DPP6: variants seen among roughly 807,000 people sequenced by gnomAD.
DPP6 encodes A-type potassium channel modulatory protein DPP6.
Under a neutral mutation model 122.6 loss-of-function variants are expected in DPP6, and 69 were observed. The ratio of observed to expected loss-of-function variants is 0.56; its 90% CI spans 0.46 to 0.69. The LOEUF (loss-of-function observed/expected upper bound fraction) is 0.69. DPP6 is among the 30% of genes least tolerant of loss of function. The pLI is 0.00. For synonymous variants in DPP6, 418 were observed against 433.1 expected (o/e 0.97, Z 0.43); for missense variants, 928 against 1,116.9 (o/e 0.83, Z 2.41).
At chr7:154,120,243 T>G (rs763192274) in intron 1 of DPP6, among the ~76,000 whole-genome samples, 7 of 151,628 alleles carry the variant, frequency 4.6e-5, no homozygotes, top group Non-Finnish European at 1.0e-4. Context: ...TCATTTTCTC[T>G]CTTCTTTTTT....
chr7:153,967,776 GT>G (rs1331500568), intron 1 of DPP6, among the ~76,000 whole-genome samples: 1 of 151,948 alleles, frequency 6.6e-6, no homozygotes, highest in African/African-American at 2.4e-5. Context: ...CACGTCTAGG[GT>G]TGCTAGAGTT....
intron 1 of DPP6, among the ~76,000 whole-genome samples, chr7:154,193,125 G>C (rs1798694495): frequency 6.6e-6 from 1 of 152,134 alleles, no homozygotes; most frequent in South Asian, 2.1e-4. Context: ...CAGCAGTCCT[G>C]GTTCATGGCT....
intron 1 of DPP6, among the ~76,000 whole-genome samples, chr7:154,376,816 G>T (rs1329054661): frequency 6.6e-6 from 1 of 152,170 alleles, no homozygotes; most frequent in African/African-American, 2.4e-5. Flanking sequence ...CTCTGTATTA[G>T]TATGAGGTAA....
intron 8 of DPP6, among the ~76,000 whole-genome samples, chr7:154,748,659 C>T (rs369454408): frequency 6.6e-5 from 10 of 152,206 alleles, no homozygotes; most frequent in Admixed American, 3.9e-4. Context: ...TGGAGTTTCT[C>T]GCGCATGGCG....
chr7:154,209,796 G>C (rs889095935), intron 1 of DPP6, among the ~76,000 whole-genome samples: 2 of 152,134 alleles, frequency 1.3e-5, no homozygotes, highest in Non-Finnish European at 1.5e-5. Flanking sequence ...ACTTGCCATC[G>C]GTTCAAGAAT....
chr7:153,859,207 C>T, the DPP6 span, among the ~76,000 whole-genome samples: 4 of 152,122 alleles, frequency 2.6e-5, no homozygotes, highest in Non-Finnish European at 4.4e-5. Context: ...GACCCTGAGG[C>T]AGGGCTGGAT....
At chr7:154,061,041 A>T (rs76300994) in intron 1 of DPP6, among the ~76,000 whole-genome samples, 14,642 of 130,548 alleles carry the variant, frequency 0.11, 14 homozygotes, top group East Asian at 0.17. Flanking sequence ...CAGGTACCTT[A>T]TGTGGGATTT....
chr7:154,696,822 A>T lies in DPP6; in HGVS notation c.762+27381A>T, dbSNP rs536131685. On this transcript the variant is annotated intron_variant, in intron 7 of 25. Coordinates refer to ENST00000377770, the MANE Select transcript of DPP6 (RefSeq NM_130797.4). ...CTGTGCTGTGGGCAGCCAAAGGCCG[A>T]TTATGGAGAACCACCCAGAGTGGAG... Among the ~76,000 whole-genome samples the T allele has an allele frequency of 2.0e-5, 3 of 152,336 alleles. No individual in the cohort carries two copies. In the East Asian group the frequency reaches 5.8e-4, roughly 29 times the overall value.
chr7:154,776,562 T>C (rs572034006), intron 10 of DPP6, among the ~76,000 whole-genome samples: 1 of 152,294 alleles, frequency 6.6e-6, no homozygotes, highest in East Asian at 1.9e-4. Flanking sequence ...AGGAAGTTGT[T>C]GAGGCAGGGA....
chr7:154,371,628 G>A (rs1385717617), intron 1 of DPP6, among the ~76,000 whole-genome samples: 1 of 152,004 alleles, frequency 6.6e-6, no homozygotes, highest in African/African-American at 2.4e-5. Context: ...ACACGTCTGT[G>A]TGCCGTGGGA....
At chr7:154,623,577 G>C (rs944252386) in intron 5 of DPP6, among the ~76,000 whole-genome samples, 2 of 149,258 alleles carry the variant, frequency 1.3e-5, no homozygotes, top group Non-Finnish European at 3.0e-5. Flanking sequence ...ACACACACAC[G>C]CACGCACACG....
At chr7:154,816,751 A>T (rs1432473770) in intron 16 of DPP6, among the ~76,000 whole-genome samples, 1 of 152,222 alleles carries the variant, frequency 6.6e-6, no homozygotes, top group Non-Finnish European at 1.5e-5. Flanking sequence ...ATGAAGCAGC[A>T]TCCCTTCCCA....
rs1801582139 is a variant in DPP6 at position 154,241,208 on chromosome 7, T to TGTGTGC, written c.243+188150_243+188151insCGTGTG. Among the ~76,000 whole-genome samples the TGTGTGC allele has an allele frequency of 6.7e-6, 1 of 149,720 alleles. No homozygotes were observed. ...ATATGTGTGTGTGTGTGTGTGTGTG[T>TGTGTGC]GTGTGTGTGTGTATATATATATAGA... On this transcript the variant is annotated intron_variant, in intron 1 of 25. Transcript: ENST00000377770. The surrounding 1 kb of genome is among the most constrained non-coding windows in gnomAD (Gnocchi z 9.0).
In DPP6 at chr7:154,609,660, C is replaced by T. The variant is rs759212797; in HGVS notation, c.628-28161C>T. Among the ~76,000 whole-genome samples the T allele has an allele frequency of 2.6e-5, 4 of 152,298 alleles. No homozygotes were observed. The South Asian group carries it at 8.3e-4, about 32-fold the overall frequency. ...GCACACACACATTTACATACATGCT[C>T]ACACACAGCACACAGTGGGACAGTC... On this transcript the variant is annotated intron_variant, in intron 5 of 25. Coordinates refer to ENST00000377770, the MANE Select transcript of DPP6 (RefSeq NM_130797.4).
chr7:154,485,645 G>A (rs1563745475), intron 3 of DPP6, among the ~76,000 whole-genome samples: 1 of 152,160 alleles, frequency 6.6e-6, no homozygotes, highest in Non-Finnish European at 1.5e-5. Flanking sequence ...TTTTCTATAG[G>A]ACCTACGGGA....
intron 1 of DPP6, among the ~76,000 whole-genome samples, chr7:154,345,823 G>A (rs1001930048): frequency 3.9e-5 from 6 of 152,306 alleles, no homozygotes; most frequent in Admixed American, 6.5e-5. Flanking sequence ...TTCTCCTGAT[G>A]TTTCCAACTG....
chr7:154,769,411 C>T lies in DPP6; in HGVS notation c.884-6C>T, dbSNP rs759201043. 4 of 1,613,510 alleles carry T rather than the reference C, an allele frequency of 2.5e-6. No homozygotes were observed. In the South Asian group the frequency reaches 3.3e-5, roughly 13 times the overall value. ...ATTCACATTTCTCTACTCTGTTTTCCCTTAGAGGAGATTTTGAAGACACAC... is the reference window on the plus strand; with the variant it reads ...ATTCACATTTCTCTACTCTGTTTTCTCTTAGAGGAGATTTTGAAGACACAC... On this transcript the variant is annotated splice_polypyrimidine_tract_variant and splice_region_variant and intron_variant, in intron 8 of 25. Transcript: ENST00000377770.
At chr7:154,558,209 C>T (rs1407254648) in intron 4 of DPP6, among the ~76,000 whole-genome samples, 3 of 151,990 alleles carry the variant, frequency 2.0e-5, no homozygotes, top group East Asian at 1.9e-4. Flanking sequence ...TTTGAAAAAC[C>T]GCAGTTACTT....
chr7:154,841,303 G>C (rs1801511919), intron 16 of DPP6, among the ~76,000 whole-genome samples: 1 of 98,036 alleles, frequency 1.0e-5, no homozygotes, highest in Non-Finnish European at 2.4e-5. Flanking sequence ...ACCCCTCCAA[G>C]CAGGCTTTGC....
Sources: gnomAD v4.1 joint callset for allele counts (sites outside exome capture counted in the v4.1 genomes callset) on GRCh38, gnomAD v4.1.1 for gene constraint, Gnocchi (gnomAD v3.1) non-coding constraint, MANE v1.5 for transcripts, NCBI Gene and HGNC (gene_info 2026-07-23, HGNC 2026-07-21) for gene names.